The following CRADD variants were observed in gnomAD, a reference collection of about 807,000 sequenced individuals.
The protein encoded by CRADD is CARD and death domain containing adaptor protein.
CRADD carries 9 observed loss-of-function variants against 15.5 expected under a neutral mutation model. The observed-to-expected ratio is 0.58, with a 90% confidence interval of 0.35 to 1.01. The LOEUF is 1.01. Ranked by LOEUF, CRADD falls within the 50% of genes least tolerant of loss-of-function variation. CRADD has a pLI of 0.02. For synonymous variants in CRADD, 118 were observed against 107.6 expected (o/e 1.10, Z -0.60); for missense variants, 227 against 250.3 (o/e 0.91, Z 0.63).
intron 2 of CRADD, among the ~76,000 whole-genome samples, chr12:93,836,648 A>G (rs1957975852): frequency 6.6e-6 from 1 of 152,250 alleles, no homozygotes; most frequent in African/African-American, 2.4e-5. Flanking sequence ...AAAGTAAATT[A>G]AAAGTAGAAG....
chr12:93,773,210 A>AGTGGTTTAACTTAGGTTATGAT (rs1957103125), intron 2 of CRADD, among the ~76,000 whole-genome samples: 1 of 152,186 alleles, frequency 6.6e-6, no homozygotes, highest in Admixed American at 6.5e-5. Flanking sequence ...TCCAAATCTC[A>AGTGGTTTAACTTAGGTTATGAT]GTGGTTTAAC....
At chr12:93,872,931 T>C (rs1271729972) in intron 2 of CRADD, among the ~76,000 whole-genome samples, 2 of 152,142 alleles carry the variant, frequency 1.3e-5, no homozygotes, top group Non-Finnish European at 2.9e-5. Flanking sequence ...ATTTTTTTTC[T>C]ATTTCTGTGA....
chr12:93,848,044 A>G (rs1426279157), intron 2 of CRADD, among the ~76,000 whole-genome samples: 2 of 152,216 alleles, frequency 1.3e-5, no homozygotes, highest in Non-Finnish European at 2.9e-5. Flanking sequence ...GCCTTCTACC[A>G]GTGTATGTGC....
At chr12:93,809,703 G>A (rs1200671676) in intron 2 of CRADD, among the ~76,000 whole-genome samples, 1 of 152,122 alleles carries the variant, frequency 6.6e-6, no homozygotes, top group African/African-American at 2.4e-5. Flanking sequence ...CTTTATAATT[G>A]AATGAACACG....
chr12:93,817,631 C>A (rs1388514600), intron 2 of CRADD, among the ~76,000 whole-genome samples: 1 of 151,910 alleles, frequency 6.6e-6, no homozygotes, highest in African/African-American at 2.4e-5. Flanking sequence ...TCTTCCCCTA[C>A]TCCTCAACCA....
chr12:93,732,139 GA>G lies in CRADD; in HGVS notation c.298+53081del, dbSNP rs560657069. Among the ~76,000 whole-genome samples the G allele has an allele frequency of 7.1e-3, 751 of 105,580 alleles. 5 individuals are homozygous for G. The highest frequency in any genetic ancestry group is 0.012 in the African/African-American group (355 of 30,604). The allele number at this position is 105,580 out of a possible 152,430, so 69.3% of individuals were successfully genotyped here. On this transcript the variant is annotated intron_variant, in intron 2 of 2. Coordinates refer to ENST00000332896, the MANE Select transcript of CRADD (RefSeq NM_003805.5). Reference sequence around the variant, plus strand: ...CGACAAGAGTGAAATTCCGTCTCAAGAAAAAAAAAAAAAAGAAAGAAAGAAA... The same window carrying G: ...CGACAAGAGTGAAATTCCGTCTCAAGAAAAAAAAAAAAAGAAAGAAAGAAA...
intron 2 of CRADD, among the ~76,000 whole-genome samples, chr12:93,881,985 G>A (rs1490045979): frequency 6.6e-6 from 1 of 151,950 alleles, no homozygotes; most frequent in Non-Finnish European, 1.5e-5. Flanking sequence ...AAATTATCTG[G>A]GCTTGGTGGC....
At chr12:93,819,613 C>T (rs891282703) in intron 2 of CRADD, among the ~76,000 whole-genome samples, 1 of 152,206 alleles carries the variant, frequency 6.6e-6, no homozygotes, top group African/African-American at 2.4e-5. Flanking sequence ...AATATGATAG[C>T]TATCCTTCAG....
intron 2 of CRADD, among the ~76,000 whole-genome samples, chr12:93,736,449 A>G (rs905063007): frequency 2.0e-5 from 3 of 152,206 alleles, no homozygotes; most frequent in African/African-American, 7.2e-5. Flanking sequence ...AAAAACGTCA[A>G]CTAGCCCCAA....
intron 2 of CRADD, among the ~76,000 whole-genome samples, chr12:93,887,369 C>T (rs1958544940): frequency 1.3e-5 from 2 of 152,142 alleles, no homozygotes; most frequent in African/African-American, 2.4e-5. Context: ...AATGCCAGGG[C>T]CGCTAACGAG....
intron 2 of CRADD, among the ~76,000 whole-genome samples, chr12:93,863,990 T>G (rs1489319307): frequency 6.6e-6 from 1 of 152,194 alleles, no homozygotes; most frequent in Non-Finnish European, 1.5e-5. Flanking sequence ...AAACTATTCT[T>G]AATTAATGAT....
At chr12:93,705,438 G>T (rs964243370) in intron 2 of CRADD, among the ~76,000 whole-genome samples, 2 of 152,190 alleles carry the variant, frequency 1.3e-5, no homozygotes, top group Non-Finnish European at 2.9e-5. Flanking sequence ...GTGCTCTAGG[G>T]ACAGTCTCCT....
At chr12:93,830,588 G>T (rs1291709637) in intron 2 of CRADD, among the ~76,000 whole-genome samples, 1 of 152,112 alleles carries the variant, frequency 6.6e-6, no homozygotes, top group Non-Finnish European at 1.5e-5. Flanking sequence ...ATTTATTAAG[G>T]ATAAGCCTAT....
intron 2 of CRADD, among the ~76,000 whole-genome samples, chr12:93,815,634 G>A (rs1307080707): frequency 3.3e-5 from 5 of 152,138 alleles, no homozygotes; most frequent in Non-Finnish European, 5.9e-5. Context: ...TTATTTGATT[G>A]GGTTGAAAAC....
chr12:93,868,070 A>G lies in CRADD; in HGVS notation c.299-25980A>G, dbSNP rs186610206. 1.1e-4 allele frequency among the ~76,000 whole-genome samples: 17 copies of G among 152,300 alleles called. No individual in the cohort carries two copies. The East Asian group carries it at 1.3e-3, about 12-fold the overall frequency. On this transcript the variant is annotated intron_variant, in intron 2 of 2. Transcript: ENST00000548483. Reference sequence around the variant, plus strand: ...TAGGCAATTTAATTTACTGTTGGGGAGTATAGACTTATTAAGTAGTAATTG... The same window carrying G: ...TAGGCAATTTAATTTACTGTTGGGGGGTATAGACTTATTAAGTAGTAATTG...
At chr12:93,893,982 A>G in intron 2 of CRADD, 1 of 701,420 alleles carries the variant, frequency 1.4e-6, no homozygotes, top group Non-Finnish European at 2.6e-6. Flanking sequence ...CTCAAAGTGC[A>G]CCACACACAT....
chr12:93,678,653 A>G, intron 1 of CRADD, 116 bp from the exon 2 acceptor site: 1 of 1,031,514 alleles, frequency 9.7e-7, no homozygotes, highest in Middle Eastern at 3.2e-4. Context: ...ATGACCTGGC[A>G]GTCTGCTATG....
At chr12:93,874,410 AT>A (rs1242631917) in intron 2 of CRADD, among the ~76,000 whole-genome samples, 1 of 150,380 alleles carries the variant, frequency 6.6e-6, no homozygotes, top group Non-Finnish European at 1.5e-5. Flanking sequence ...TGATTTTTGT[AT>A]TTTTTTATTT....
intron 2 of CRADD, among the ~76,000 whole-genome samples, chr12:93,784,129 G>A (rs1957245677): frequency 6.6e-6 from 1 of 152,094 alleles, no homozygotes; most frequent in Non-Finnish European, 1.5e-5. Context: ...CCCTAGAGAT[G>A]TCTGACTAGA....
Sources: gnomAD v4.1 joint callset for allele counts (sites outside exome capture counted in the v4.1 genomes callset) on GRCh38, gnomAD v4.1.1 for gene constraint, MANE v1.5 for transcripts, NCBI Gene and HGNC (gene_info 2026-07-23, HGNC 2026-07-21) for gene names.